Variants in SULT1C3 observed in about 807,000 individuals in gnomAD.
The protein encoded by SULT1C3 is sulfotransferase family 1C member 3.
In SULT1C3, 31 loss-of-function variants were observed where a neutral mutation model predicts 28.4. That is an observed-to-expected ratio of 1.09 (90% CI 0.82 to 1.47). The LOEUF (loss-of-function observed/expected upper bound fraction) is 1.47. Among genes scored for constraint, SULT1C3 ranks in the 40% most tolerant of loss-of-function variants. SULT1C3 has a pLI of 0.00. For missense variants in SULT1C3, 307 were observed against 272.5 expected (o/e 1.13, Z -0.89); for synonymous variants, 106 against 92.2 (o/e 1.15, Z -0.86).
At chr2:108,252,951 T>A (rs191162028) in intron 3 of SULT1C3, among the ~76,000 whole-genome samples, 1 of 151,844 alleles carries the variant, frequency 6.6e-6, no homozygotes, top group East Asian at 1.9e-4. Flanking sequence ...GTGAATAACA[T>A]GAAATAAAGA....
chr2:108,247,377 C>CA lies in SULT1C3; in HGVS notation c.172+15dup, dbSNP rs774524328. On this transcript the variant is annotated intron_variant, in intron 2 of 7. Transcript: ENST00000681802. The stretch of plus-strand genomic sequence containing the variant: ...CTTACCCAAAGTCAGGTAAGGGTAG[C>CA]AAAACATAAAAATATTCAATATTTT... 2.3e-4 allele frequency: 347 copies of CA among 1,516,632 alleles called. No individual in the cohort carries two copies. The highest frequency in any genetic ancestry group is 2.7e-4 in the Non-Finnish European group (304 of 1,128,904). The allele number at this position is 1,516,632 out of a possible 1,614,324, so 93.9% of individuals were successfully genotyped here. A position where few individuals can be genotyped will look rare whatever the true frequency, so the allele number is the denominator to read the frequency against.
At chr2:108,264,994 T>G, downstream of SULT1C3, 1 of 1,610,166 alleles carries the variant, frequency 6.2e-7, no homozygotes, top group Non-Finnish European at 8.5e-7. Flanking sequence ...ATCTCCCCTT[T>G]TATGAGGAAA....
At position 108,259,103 on chromosome 2, in the gene SULT1C3, T is replaced by C. The variant is rs1675951807; in HGVS notation, c.759T>C (p.Pro253=). Residue 253 remains proline (P), a synonymous_variant, in exon 7 of 8, where the codon CCT becomes CCC. Transcript: ENST00000681802. The part of the protein sequence containing the change: ...DNPMANHTAV[P]AHIFNHSISK... The stretch of plus-strand genomic sequence containing the variant: ...CCATGGCCAACCATACTGCGGTACC[T>C]GCTCACATATTCAATCACTCCATCT... 1.8e-6 allele frequency: 1 copy of C among 541,508 alleles called. No individual in the cohort carries two copies. The highest frequency in any genetic ancestry group is 3.9e-5 in the East Asian group (1 of 25,804). The allele number at this position is 541,508 out of a possible 1,614,324, so 33.5% of individuals were successfully genotyped here.
At chr2:108,252,539 C>G (rs1349183620) in intron 3 of SULT1C3, 46 bp downstream of exon 3, 3 of 1,606,090 alleles carry the variant, frequency 1.9e-6, no homozygotes, top group Non-Finnish European at 2.6e-6. Flanking sequence ...CTTCAGGATT[C>G]CAGAGCAATG....
intron 4 of SULT1C3, among the ~76,000 whole-genome samples, chr2:108,254,742 TGC>T (rs1231622108): frequency 6.6e-6 from 1 of 150,418 alleles, no homozygotes; most frequent in African/African-American, 2.4e-5. Context: ...TATGTATGTA[TGC>T]ATACATATGT....
intron 2 of SULT1C3, among the ~76,000 whole-genome samples, chr2:108,248,197 A>G (rs1173332900): frequency 6.6e-6 from 1 of 152,204 alleles, no homozygotes; most frequent in Non-Finnish European, 1.5e-5. Flanking sequence ...GGGCTCTCAC[A>G]GTAGCCACAT....
At position 108,260,549 on chromosome 2, in the gene SULT1C3, CTTCTT is replaced by C. The variant is rs770401428; in HGVS notation, c.803-17_803-13del. The C allele has an allele frequency of 3.9e-6, 2 of 508,738 alleles. No individual in the cohort carries two copies. The highest frequency in any genetic ancestry group is 2.9e-5 in the South Asian group (2 of 69,138). The allele number at this position is 508,738 out of a possible 1,614,324, so 31.5% of individuals were successfully genotyped here. A position where few individuals can be genotyped will look rare whatever the true frequency, so the allele number is the denominator to read the frequency against. ...GAATGGGTGCAGAGTCTGTCATGAA[CTTCTT>C]TGATGTCCTACAGGGATGCCTGGAG... On this transcript the variant is annotated splice_polypyrimidine_tract_variant and intron_variant, in intron 7 of 7. Transcript: ENST00000681802.
chr2:108,255,440 TA>T, intron 4 of SULT1C3, 131 bp from the exon 5 acceptor site: 1 of 1,095,228 alleles, frequency 9.1e-7, no homozygotes, highest in East Asian at 2.7e-5. Context: ...TTTAATGTTT[TA>T]ATTCATAACT....
chr2:108,248,290 G>A (rs1386611105), intron 2 of SULT1C3, among the ~76,000 whole-genome samples: 2 of 152,116 alleles, frequency 1.3e-5, no homozygotes, highest in Non-Finnish European at 2.9e-5. Flanking sequence ...CAGCCATGCC[G>A]AAGGGACAAG....
In SULT1C3 at chr2:108,258,790, C is replaced by G. The variant is rs1487391030; in HGVS notation, c.583C>G (p.His195Asp). 2.5e-6 allele frequency: 4 copies of G among 1,612,760 alleles called. No individual in the cohort carries two copies. Among genetic ancestry groups the G allele is most frequent in the African/African-American group, 1.3e-5 (1 of 74,830 alleles). ...VKGWWAAKDMHRILYLFYEDI... is the reference protein window; with the variant it reads ...VKGWWAAKDMDRILYLFYEDI... ...AGGATGGTGGGCTGCAAAAGACATG[C>G]ACCGGATCCTCTACCTCTTCTACGA... Residue 195 changes from histidine (H) to aspartate (D), a missense_variant, in exon 6 of 8, where the codon CAC (histidine) becomes GAC (aspartate). Coordinates refer to ENST00000681802, the MANE Select transcript of SULT1C3 (RefSeq NM_001320878.2).
chr2:108,241,264 C>T (rs575964436), intron 1 of SULT1C3, among the ~76,000 whole-genome samples: 4 of 152,310 alleles, frequency 2.6e-5, no homozygotes, highest in East Asian at 1.9e-4. Context: ...CCAATTGTGT[C>T]CTGTTGACAA....
chr2:108,250,493 T>C (rs1161368249), intron 2 of SULT1C3, among the ~76,000 whole-genome samples: 1 of 151,970 alleles, frequency 6.6e-6, no homozygotes, highest in Non-Finnish European at 1.5e-5. Context: ...TTGAACAGTT[T>C]GTTATAAAAC....
At chr2:108,249,211 C>A (rs1573217417) in intron 2 of SULT1C3, among the ~76,000 whole-genome samples, 1 of 152,010 alleles carries the variant, frequency 6.6e-6, no homozygotes. Flanking sequence ...ACCGAATATT[C>A]AGGTGTTGTT....
Position 108,255,692 on chromosome 2 carries a change from G to A in SULT1C3, c.520G>A (p.Gly174Arg), listed in dbSNP as rs144109255. 51 of 1,609,730 alleles carry A rather than the reference G, an allele frequency of 3.2e-5. No individual in the cohort carries two copies. The highest frequency in any genetic ancestry group is 2.3e-4 in the African/African-American group (17 of 74,748). Reference protein sequence around the residue: ...LEEFYEKFMSGKVVGGSWFDH... With the variant: ...LEEFYEKFMSRKVVGGSWFDH... ...GGAATTTTATGAGAAATTCATGTCC[G>A]GAAAAGGTGAGTTCAAACTGATCTT... The change falls in exon 5 of 8, where the codon GGA becomes AGA. Residue 174 changes from glycine to arginine, a missense_variant. Coordinates refer to ENST00000681802, the MANE Select transcript of SULT1C3 (RefSeq NM_001320878.2).
At chr2:108,253,281 T>A in intron 3 of SULT1C3, 64 bp from the exon 4 acceptor site, 1 of 1,042,234 alleles carries the variant, frequency 9.6e-7, no homozygotes, top group Non-Finnish European at 1.3e-6. Flanking sequence ...AAGATATAAA[T>A]GGAATTCAAG....
intron 2 of SULT1C3, among the ~76,000 whole-genome samples, chr2:108,251,495 C>G (rs77486949): frequency 1.3e-5 from 2 of 151,956 alleles, no homozygotes; most frequent in African/African-American, 4.8e-5. Context: ...GGCAATCAGA[C>G]GTATGTACTT....
chr2:108,254,687 ATG>A (rs538237462), intron 4 of SULT1C3, among the ~76,000 whole-genome samples: 44 of 149,038 alleles, frequency 3.0e-4, no homozygotes, highest in East Asian at 9.8e-4. Flanking sequence ...CATGTGAGAT[ATG>A]TGTGTGTGTG....
At chr2:108,264,943 C>T (rs140262404), downstream of SULT1C3, 311 of 1,613,926 alleles carry the variant, frequency 1.9e-4, no homozygotes, top group African/African-American at 3.8e-3. Context: ...AACCCAATGA[C>T]CAACTATACC....
At chr2:108,254,817 G>GTA (rs1231566071) in intron 4 of SULT1C3, among the ~76,000 whole-genome samples, 47 of 150,542 alleles carry the variant, frequency 3.1e-4, no homozygotes, top group Non-Finnish European at 5.9e-4. Flanking sequence ...ATGTATATAT[G>GTA]TGTATATATA....
Sources: gnomAD v4.1 joint callset for allele counts (sites outside exome capture counted in the v4.1 genomes callset) on GRCh38, gnomAD v4.1.1 for gene constraint, MANE v1.5 for transcripts, NCBI Gene and HGNC (gene_info 2026-07-23, HGNC 2026-07-21) for gene names.